The following NEK5 variants were observed in gnomAD, a reference collection of about 807,000 sequenced individuals.
NEK5 encodes the protein NIMA related kinase 5, also known as serine/threonine-protein kinase Nek5.
In NEK5, 88 loss-of-function variants were observed where a neutral mutation model predicts 109.2. The ratio of observed to expected loss-of-function variants is 0.81; its 90% CI spans 0.68 to 0.96. NEK5 has a LOEUF of 0.96. NEK5 is among the 40% of genes least tolerant of loss of function. NEK5 has a pLI of 0.00. For missense variants in NEK5, 834 were observed against 920.7 expected (o/e 0.91, Z 1.22); for synonymous variants, 283 against 299.9 (o/e 0.94, Z 0.58).
intron 8 of NEK5, among the ~76,000 whole-genome samples, chr13:52,105,137 C>A (rs1955623770): frequency 6.6e-6 from 1 of 151,656 alleles, no homozygotes; most frequent in Admixed American, 6.6e-5. Context: ...TCTAAAAGAT[C>A]AAAAAATGTC....
In NEK5 at chr13:52,086,336, G is replaced by A. The variant is rs35465612; in HGVS notation, c.1420C>T (p.Arg474Cys). ...QEYWKQLEEI[R>C]QQYHNDMKEI... ...TTCATGTCATTGTGGTACTGTTGGC[G>A]TATTTCCTCTAACTGCTTCCAATAT... is the stretch of plus-strand genomic sequence containing the variant. Residue 474 changes from arginine to cysteine, a missense_variant, in exon 16 of 24, where the codon CGC (arginine) becomes TGC (cysteine). Arg to Cys is a radical substitution (Grantham distance 180). Transcript: ENST00000684899. The A allele has an allele frequency of 0.011, 18,243 of 1,611,478 alleles. 133 individuals are homozygous for A. Among genetic ancestry groups the A allele is most frequent in the Non-Finnish European group, 0.014 (16,467 of 1,177,776 alleles).
At chr13:52,118,724 T>G (rs150940322) in intron 4 of NEK5, among the ~76,000 whole-genome samples, 1 of 152,134 alleles carries the variant, frequency 6.6e-6, no homozygotes, top group Non-Finnish European at 1.5e-5. Flanking sequence ...TAGGCTATGG[T>G]GCGTGGCTGT....
Position 52,099,863 on chromosome 13 carries a change from T to C in NEK5, c.906A>G (p.Gln302=), listed in dbSNP as rs776924602. 1.2e-6 allele frequency: 2 copies of C among 1,613,708 alleles called. No homozygotes were observed. Among genetic ancestry groups the C allele is most frequent in the Non-Finnish European group, 1.7e-6 (2 of 1,179,752 alleles). The change falls in exon 12 of 24, where the codon CAA becomes CAG. Residue 302 remains glutamine, a synonymous_variant. Coordinates refer to ENST00000684899, the MANE Select transcript of NEK5 (RefSeq NM_001365552.1). ...AGKVVQKCKI[Q]KVRFQGKCPP... is the part of the protein sequence containing the mutation. ...GGCACTTTCCCTGGAATCTCACTTT[T>C]TGTATTTTACACTCTTAATTAACCA...
intron 23 of NEK5, among the ~76,000 whole-genome samples, chr13:52,039,208 ATC>A (rs1427666985): frequency 6.6e-6 from 1 of 152,204 alleles, no homozygotes; most frequent in African/African-American, 2.4e-5. Flanking sequence ...AACGCGTACT[ATC>A]TCTGTGAAGG....
chr13:52,048,474 G>A (rs149181361), intron 23 of NEK5, among the ~76,000 whole-genome samples: 2 of 151,852 alleles, frequency 1.3e-5, no homozygotes, highest in Non-Finnish European at 2.9e-5. Context: ...ACAAAATTAA[G>A]TGGTACCTAT....
chr13:52,068,571 C>T (rs1172752495), intron 20 of NEK5, among the ~76,000 whole-genome samples: 1 of 151,984 alleles, frequency 6.6e-6, no homozygotes, highest in Non-Finnish European at 1.5e-5. Flanking sequence ...ATACATATTA[C>T]AGGCAAAGGT....
At chr13:52,067,676 A>ATTT (rs33986940) in intron 20 of NEK5, among the ~76,000 whole-genome samples, 6,191 of 120,116 alleles carry the variant, frequency 0.052, 359 homozygotes, top group Middle Eastern at 0.11. Context: ...ACACCACGTC[A>ATTT]TTTTTTTTTT....
At position 52,077,231 on chromosome 13, in the gene NEK5, G is replaced by T. The variant is rs551649230; in HGVS notation, c.1573-1088C>A. 2.2e-4 allele frequency among the ~76,000 whole-genome samples: 33 copies of T among 152,330 alleles called. No individual in the cohort carries two copies. In the South Asian group the frequency reaches 3.3e-3, roughly 15 times the overall value. Reference sequence around the variant, plus strand: ...CTTGAGTGCCCTCCACCCCTCTCCAGCAGTGGGCACTGAAAACGTATGCTT... The same window carrying T: ...CTTGAGTGCCCTCCACCCCTCTCCATCAGTGGGCACTGAAAACGTATGCTT... On this transcript the variant is annotated intron_variant, in intron 17 of 23. Transcript: ENST00000684899.
intron 22 of NEK5, among the ~76,000 whole-genome samples, chr13:52,058,742 C>T (rs1182297611): frequency 3.3e-5 from 5 of 152,204 alleles, no homozygotes; most frequent in African/African-American, 1.2e-4. Flanking sequence ...GGAAAACTGG[C>T]TAGCCACATG....
rs115090331 is a variant in NEK5, at chr13:52,083,373, A to G, written c.1480-21T>C. Reference sequence around the variant, plus strand: ...TTCTCCTTTAACACAAATTATACACAGTCAACAAGATTGGTTCTGAGTGAG... The same window carrying G: ...TTCTCCTTTAACACAAATTATACACGGTCAACAAGATTGGTTCTGAGTGAG... On this transcript the variant is annotated intron_variant, in intron 16 of 23. Coordinates refer to ENST00000684899, the MANE Select transcript of NEK5 (RefSeq NM_001365552.1). The G allele has an allele frequency of 4.4e-4, 654 of 1,473,420 alleles. 4 individuals carry two copies. In the African/African-American group the frequency reaches 6.6e-3, roughly 15 times the overall value. 91.3% of individuals were successfully genotyped at this position (1,473,420 alleles called of 1,614,324 possible). A position where few individuals can be genotyped will look rare whatever the true frequency, so the allele number is the denominator to read the frequency against.
chr13:52,055,356 C>A (rs1221869066), intron 22 of NEK5, among the ~76,000 whole-genome samples: 1 of 152,044 alleles, frequency 6.6e-6, no homozygotes, highest in Non-Finnish European at 1.5e-5. Context: ...GAGAATGGAA[C>A]CAAGTTGGAA....
intron 13 of NEK5, among the ~76,000 whole-genome samples, chr13:52,090,646 G>T (rs1436120718): frequency 6.6e-6 from 1 of 152,152 alleles, no homozygotes; most frequent in Non-Finnish European, 1.5e-5. Context: ...TGAGAAAAAT[G>T]ATTCCAACAC....
At chr13:52,103,582 T>C (rs866571291) in intron 9 of NEK5, among the ~76,000 whole-genome samples, 4 of 152,238 alleles carry the variant, frequency 2.6e-5, no homozygotes, top group African/African-American at 7.2e-5. Context: ...GTGGCTGGTG[T>C]CTGGGAACTA....
chr13:52,121,712 C>T (rs187691089), intron 3 of NEK5, among the ~76,000 whole-genome samples: 35 of 152,230 alleles, frequency 2.3e-4, no homozygotes, highest in Admixed American at 2.0e-3. Context: ...ATTACTTTTG[C>T]GCCAACCTAA....
At chr13:52,113,654 T>G (rs117243093) in intron 4 of NEK5, among the ~76,000 whole-genome samples, 1 of 152,152 alleles carries the variant, frequency 6.6e-6, no homozygotes, top group Non-Finnish European at 1.5e-5. Context: ...TCCTGGCCAT[T>G]TCCACTCAAA....
chr13:52,104,447 T>C, intron 9 of NEK5, 51 bp downstream of exon 9: 1 of 1,298,408 alleles, frequency 7.7e-7, no homozygotes, highest in South Asian at 1.2e-5. Context: ...AGTTAATTTC[T>C]TTTCTACAAT....
intron 12 of NEK5, among the ~76,000 whole-genome samples, chr13:52,099,173 C>T (rs1955478027): frequency 1.3e-5 from 2 of 152,074 alleles, no homozygotes; most frequent in Non-Finnish European, 2.9e-5. Flanking sequence ...ATCTCATATA[C>T]CCCATAAATA....
intron 3 of NEK5, among the ~76,000 whole-genome samples, chr13:52,124,234 CATG>C (rs1956022456): frequency 6.6e-6 from 1 of 152,058 alleles, no homozygotes; most frequent in African/African-American, 2.4e-5. Context: ...TACAGTGAGC[CATG>C]ATGATGTCAC....
At chr13:52,081,136 G>A (rs998838143) in intron 17 of NEK5, among the ~76,000 whole-genome samples, 6 of 152,252 alleles carry the variant, frequency 3.9e-5, no homozygotes, top group South Asian at 4.2e-4. Flanking sequence ...ATTGATTGTC[G>A]TGTAGAGAAA....
Sources: gnomAD v4.1 joint callset for allele counts (sites outside exome capture counted in the v4.1 genomes callset) on GRCh38, gnomAD v4.1.1 for gene constraint, MANE v1.5 for transcripts, NCBI Gene and HGNC (gene_info 2026-07-23, HGNC 2026-07-21) for gene names.